Variants in CADM2 observed in about 807,000 individuals in gnomAD.
The protein encoded by CADM2 is cell adhesion molecule 2.
Under a neutral mutation model 49.8 loss-of-function variants are expected in CADM2, and 12 were observed. The ratio of observed to expected loss-of-function variants is 0.24; its 90% CI spans 0.15 to 0.39. The LOEUF (loss-of-function observed/expected upper bound fraction) is 0.39, where lower values mean the gene tolerates loss of function less well. Ranked by LOEUF, CADM2 falls within the 10% of genes least tolerant of loss-of-function variation. The probability of loss-of-function intolerance (pLI) is 1.00; values close to 1 mark genes in which losing one functional copy is unlikely to be tolerated. For missense variants in CADM2, 378 were observed against 492.3 expected (o/e 0.77, Z 2.20); for synonymous variants, 214 against 175.4 (o/e 1.22, Z -1.74).
chr3:85,723,508 A>C (rs1021114062), intron 1 of CADM2, among the ~76,000 whole-genome samples: 3 of 152,238 alleles, frequency 2.0e-5, no homozygotes, highest in South Asian at 2.1e-4. Flanking sequence ...TATGCAGAGA[A>C]TTATAATTGA....
At chr3:85,695,459 A>T (rs945670792) in intron 1 of CADM2, among the ~76,000 whole-genome samples, 1 of 151,984 alleles carries the variant, frequency 6.6e-6, no homozygotes, top group African/African-American at 2.4e-5. Flanking sequence ...GAGTTACTTT[A>T]CTTAGGATAA....
chr3:84,961,129 C>G (rs995471184), intron 1 of CADM2, among the ~76,000 whole-genome samples: 1 of 151,956 alleles, frequency 6.6e-6, no homozygotes, highest in East Asian at 1.9e-4. Context: ...GTAAGACACA[C>G]GTAGACTCAC....
At chr3:85,644,158 GTGTCTGGTGAGGGC>G (rs1169699662) in intron 1 of CADM2, among the ~76,000 whole-genome samples, 2 of 152,086 alleles carry the variant, frequency 1.3e-5, no homozygotes, top group African/African-American at 2.4e-5. Context: ...AGCAGCGTTG[GTGTCTGGTGAGGGC>G]TGTCTTCCAG....
intron 1 of CADM2, among the ~76,000 whole-genome samples, chr3:85,233,303 A>G (rs2107817877): frequency 6.6e-6 from 1 of 152,260 alleles, no homozygotes; most frequent in East Asian, 1.9e-4. Context: ...TCTGTGTAAC[A>G]CCAAAATGAT....
rs578132083 is a variant in CADM2 at position 85,158,877 on chromosome 3, TA to T, written c.61+199217del. On this transcript the variant is annotated intron_variant, in intron 1 of 9. Coordinates refer to ENST00000383699, the MANE Select transcript of CADM2 (RefSeq NM_001167675.2). ...AAAATAAAATAAAAAAATAAAAATT[TA>T]AAAAAAATTAACACTGCATTTATTT... 2.8e-3 allele frequency among the ~76,000 whole-genome samples: 418 copies of T among 151,804 alleles called. 3 individuals are homozygous for T. Among genetic ancestry groups the T allele is most frequent in the African/African-American group, 9.4e-3 (388 of 41,428 alleles).
chr3:85,810,365 G>A (rs900030909), intron 3 of CADM2, among the ~76,000 whole-genome samples: 6 of 151,948 alleles, frequency 3.9e-5, no homozygotes, highest in Admixed American at 2.0e-4. Context: ...AAAGAGTATA[G>A]CATATCATGC....
chr3:85,337,420 G>A (rs546395913), intron 1 of CADM2, among the ~76,000 whole-genome samples: 4 of 151,448 alleles, frequency 2.6e-5, no homozygotes, highest in African/African-American at 9.7e-5. Flanking sequence ...TAAACTGGTG[G>A]TATAGAAAAA....
At chr3:85,766,055 C>T (rs145197560) in intron 2 of CADM2, among the ~76,000 whole-genome samples, 52 of 152,184 alleles carry the variant, frequency 3.4e-4, no homozygotes, top group African/African-American at 1.0e-3. Context: ...TGTTAGAATA[C>T]GATGCAGTTT....
At chr3:85,450,329 T>C (rs1185541544) in intron 1 of CADM2, among the ~76,000 whole-genome samples, 1 of 152,038 alleles carries the variant, frequency 6.6e-6, no homozygotes, top group Non-Finnish European at 1.5e-5. Flanking sequence ...TAGGGGAAAG[T>C]TTATTTATTT....
chr3:85,172,131 C>A (rs2040645056), intron 1 of CADM2, among the ~76,000 whole-genome samples: 1 of 151,846 alleles, frequency 6.6e-6, no homozygotes, highest in Admixed American at 6.6e-5. Context: ...TGCCTACTGT[C>A]AAAAAAAATT....
chr3:85,550,142 A>G (rs2107109312), intron 1 of CADM2, among the ~76,000 whole-genome samples: 1 of 152,282 alleles, frequency 6.6e-6, no homozygotes, highest in Non-Finnish European at 1.5e-5. Flanking sequence ...TAATGGTGGA[A>G]CTAGAATTTG....
chr3:85,666,024 A>G (rs2107620708), intron 1 of CADM2, among the ~76,000 whole-genome samples: 1 of 152,198 alleles, frequency 6.6e-6, no homozygotes, highest in African/African-American at 2.4e-5. Context: ...CCTTAAGCTG[A>G]TAAGCAACTT....
chr3:85,157,382 G>A (rs377203427), intron 1 of CADM2, among the ~76,000 whole-genome samples: 15,006 of 151,496 alleles, frequency 0.099, 893 homozygotes, highest in African/African-American at 0.18. Flanking sequence ...GCATCGCCAA[G>A]TCAATCCTAA....
At chr3:86,054,884 G>A (rs567401877) in intron 8 of CADM2, among the ~76,000 whole-genome samples, 1 of 152,014 alleles carries the variant, frequency 6.6e-6, no homozygotes, top group Admixed American at 6.6e-5. Context: ...TCATATTGAA[G>A]TCATTTATTT....
chr3:84,972,251 A>G (rs1453725769), intron 1 of CADM2, among the ~76,000 whole-genome samples: 1 of 152,226 alleles, frequency 6.6e-6, no homozygotes, highest in Non-Finnish European at 1.5e-5. Context: ...ATGATTGCAA[A>G]CTGCAGAGAT....
chr3:85,499,161 T>C (rs771446436), intron 1 of CADM2, among the ~76,000 whole-genome samples: 1 of 152,032 alleles, frequency 6.6e-6, no homozygotes, highest in Non-Finnish European at 1.5e-5. Context: ...ACAATTACAA[T>C]GAAAAAACAA....
At chr3:85,470,816 T>C (rs909859834) in intron 1 of CADM2, among the ~76,000 whole-genome samples, 4 of 152,166 alleles carry the variant, frequency 2.6e-5, no homozygotes, top group Admixed American at 2.0e-4. Context: ...TCTTCATTTC[T>C]AGCTTCCTCA....
chr3:85,869,491 A>T (rs1034217869), intron 3 of CADM2, among the ~76,000 whole-genome samples: 2 of 152,054 alleles, frequency 1.3e-5, no homozygotes, highest in African/African-American at 4.8e-5. Context: ...CCTAATTTCT[A>T]GGTGAATTAA....
chr3:85,762,382 A>T (rs2069433854), intron 2 of CADM2, among the ~76,000 whole-genome samples: 1 of 152,052 alleles, frequency 6.6e-6, no homozygotes, highest in African/African-American at 2.4e-5. Flanking sequence ...CATTTACTGG[A>T]ATCAACATTA....
Sources: allele counts gnomAD v4.1 joint callset (sites outside exome capture counted in the v4.1 genomes callset), GRCh38; gene constraint gnomAD v4.1.1; transcripts MANE v1.5; gene names NCBI Gene and HGNC (gene_info 2026-07-23, HGNC 2026-07-21).